The following PCDHGB2 variants were observed in gnomAD, a reference collection of about 807,000 sequenced individuals.
PCDHGB2 encodes the protein protocadherin gamma subfamily B, 2.
PCDHGB2 carries 55 observed loss-of-function variants against 59.3 expected under a neutral mutation model. That is an observed-to-expected ratio of 0.93 (90% CI 0.75 to 1.16). PCDHGB2 has a LOEUF of 1.16. Among genes scored for constraint, PCDHGB2 ranks in the 50% most tolerant of loss-of-function variants. PCDHGB2 has a pLI of 0.00. For synonymous variants in PCDHGB2, 516 were observed against 512.0 expected (o/e 1.01, Z -0.11); for missense variants, 1,228 against 1,198.5 (o/e 1.02, Z -0.36).
At chr5:141,423,362 T>G (rs1419859253) in intron 1 of PCDHGB2, 1 of 1,614,112 alleles carries the variant, frequency 6.2e-7, no homozygotes, top group African/African-American at 1.3e-5. Flanking sequence ...GTCATCGTGC[T>G]GCTGGCACTC....
In PCDHGB2 at chr5:141,493,664, G is replaced by A. The variant is rs2099749444; in HGVS notation, c.2422-1143G>A. Reference sequence around the variant, plus strand: ...TGGCCATCCCTGTGCCCTTCTCCATGGCAGCCCCAGAATGGTGCTGGTGAC... The same window carrying A: ...TGGCCATCCCTGTGCCCTTCTCCATAGCAGCCCCAGAATGGTGCTGGTGAC... On this transcript the variant is annotated intron_variant, in intron 1 of 3. Coordinates refer to ENST00000522605, the MANE Select transcript of PCDHGB2 (RefSeq NM_018923.3). This position sits in a 1 kb window ranked among gnomAD's most constrained non-coding sequence, Gnocchi z 4.3. Among the ~76,000 whole-genome samples, 1 of 152,136 alleles carries A rather than the reference G, an allele frequency of 6.6e-6. No homozygotes were observed. Among genetic ancestry groups the A allele is most frequent in the Non-Finnish European group, 1.5e-5 (1 of 68,026 alleles).
chr5:141,404,658 C>T, intron 1 of PCDHGB2: 2 of 1,614,198 alleles, frequency 1.2e-6, no homozygotes, highest in Non-Finnish European at 1.7e-6. Context: ...GCCCTCCCCA[C>T]TGATGGTTCT....
In PCDHGB2 at chr5:141,485,569, T is replaced by C; in HGVS notation, c.2422-9238T>C. The C allele has an allele frequency of 6.2e-7, 1 of 1,612,664 alleles. No individual in the cohort carries two copies. Among genetic ancestry groups the C allele is most frequent in the Non-Finnish European group, 8.5e-7 (1 of 1,178,890 alleles). ...TAGATGTGAATGATCACGCCCCCCG[T>C]TTTCCGCGGCAGCAGCTGGACTTGG... On this transcript the variant is annotated intron_variant, in intron 1 of 3. Coordinates refer to ENST00000522605, the MANE Select transcript of PCDHGB2 (RefSeq NM_018923.3). This position sits in a 1 kb window ranked among gnomAD's most constrained non-coding sequence, Gnocchi z 5.7.
intron 1 of PCDHGB2, chr5:141,393,238 T>A: frequency 1.2e-6 from 2 of 1,613,734 alleles, no homozygotes; most frequent in Non-Finnish European, 8.5e-7. Context: ...GAAGTAAAAA[T>A]TAACGAAATC....
intron 1 of PCDHGB2, chr5:141,415,542 T>C (rs770960227): frequency 1.2e-5 from 19 of 1,614,056 alleles, no homozygotes; most frequent in Non-Finnish European, 9.3e-6. Context: ...AGGAGAGCTG[T>C]GAGAAAAACG....
intron 1 of PCDHGB2, among the ~76,000 whole-genome samples, chr5:141,381,686 AAAC>A (rs1269227136): frequency 2.6e-5 from 4 of 152,308 alleles, no homozygotes; most frequent in Non-Finnish European, 4.4e-5. Context: ...CAGCCAAGAC[AAAC>A]AACGATTTCT....
chr5:141,366,579 T>C (rs1764662445), intron 1 of PCDHGB2: 1 of 1,614,256 alleles, frequency 6.2e-7, no homozygotes, highest in South Asian at 1.1e-5. Flanking sequence ...CGGGCTTTCC[T>C]GCAGACCTAT....
chr5:141,474,597 T>C (rs1454833258), intron 1 of PCDHGB2, among the ~76,000 whole-genome samples: 2 of 152,248 alleles, frequency 1.3e-5, no homozygotes, highest in Non-Finnish European at 2.9e-5. Flanking sequence ...CATGGAAATA[T>C]AGGTCACATA....
chr5:141,457,649 A>C (rs1303184316), intron 1 of PCDHGB2, among the ~76,000 whole-genome samples: 1 of 152,282 alleles, frequency 6.6e-6, no homozygotes, highest in Non-Finnish European at 1.5e-5. Context: ...TATTTGCATG[A>C]AGTGCAGCAA....
chr5:141,368,520 A>G (rs886509819), intron 1 of PCDHGB2, among the ~76,000 whole-genome samples: 7 of 152,168 alleles, frequency 4.6e-5, no homozygotes, highest in Admixed American at 6.5e-5. Flanking sequence ...ATTCACTCCT[A>G]TGTGAAAACT....
At chr5:141,500,546 G>A (rs1428503967) in intron 2 of PCDHGB2, among the ~76,000 whole-genome samples, 1 of 152,126 alleles carries the variant, frequency 6.6e-6, no homozygotes, top group African/African-American at 2.4e-5. Context: ...ACCTAAATAA[G>A]TTGTTCACAA....
chr5:141,447,851 C>T (rs961725006), intron 1 of PCDHGB2, among the ~76,000 whole-genome samples: 1 of 151,980 alleles, frequency 6.6e-6, no homozygotes, highest in East Asian at 1.9e-4. Flanking sequence ...TTTGGGAGGC[C>T]GAGGTGGGTG....
intron 1 of PCDHGB2, chr5:141,402,922 C>A: frequency 1.3e-6 from 2 of 1,576,446 alleles, no homozygotes; most frequent in Non-Finnish European, 8.6e-7. Flanking sequence ...GCACAGAGAT[C>A]CTTTTGAGAA....
rs568927137 is a variant in PCDHGB2, at chr5:141,410,186, CT to C, written c.2421+47631del. On this transcript the variant is annotated intron_variant, in intron 1 of 3. Coordinates refer to ENST00000522605, the MANE Select transcript of PCDHGB2 (RefSeq NM_018923.3). ...ACTCTCTGCCACCGCCACGCTTCAT[CT>C]GGTCTTCGCAGACAACTTGCAAGAG... 1.6e-5 allele frequency: 26 copies of C among 1,613,940 alleles called. 1 individual carries two copies. In the South Asian group the frequency reaches 2.6e-4, roughly 16 times the overall value.
At chr5:141,372,344 A>G in intron 1 of PCDHGB2, 1 of 1,613,770 alleles carries the variant, frequency 6.2e-7, no homozygotes, top group Non-Finnish European at 8.5e-7. Flanking sequence ...GTGATGGAGG[A>G]CAGCAGCCTC....
chr5:141,408,869 A>T, intron 1 of PCDHGB2: 1 of 1,613,690 alleles, frequency 6.2e-7, no homozygotes, highest in Non-Finnish European at 8.5e-7. Flanking sequence ...CCCACCAAGA[A>T]GTGCCACCGC....
chr5:141,374,723 G>T (rs771753373), intron 1 of PCDHGB2: 1 of 1,609,998 alleles, frequency 6.2e-7, no homozygotes, highest in South Asian at 1.1e-5. Context: ...GGTCCTTACT[G>T]CCATGGATGG....
In PCDHGB2 at chr5:141,491,341, G is replaced by C. The variant is rs775712620; in HGVS notation, c.2422-3466G>C. ...TTACCTCATTGTGGCTCTAGCGACC[G>C]TCAGTCTCTTATCCCTAGTCACCTT... On this transcript the variant is annotated intron_variant, in intron 1 of 3. Transcript: ENST00000522605. This position sits in a 1 kb window ranked among gnomAD's most constrained non-coding sequence, Gnocchi z 6.9. 10 of 1,614,100 alleles carry C rather than the reference G, an allele frequency of 6.2e-6. No homozygotes were observed. In the East Asian group the frequency reaches 8.9e-5, roughly 14 times the overall value.
At position 141,361,246 on chromosome 5, in the gene PCDHGB2, A is replaced by G; in HGVS notation, c.1111A>G (p.Thr371Ala). The change falls in exon 1 of 4, where the codon ACG becomes GCG. Residue 371 changes from threonine (T) to alanine (A), a missense_variant. Transcript: ENST00000522605. ...AGGAACAGTGATCGCCTTGATAAAA[A>G]CGAGAGACAGAGACTCTGGAGAAAA... ...PPGTVIALIK[T>A]RDRDSGENGE... is the part of the protein sequence containing the mutation. The G allele has an allele frequency of 1.2e-6, 2 of 1,613,980 alleles. No individual in the cohort carries two copies. Among genetic ancestry groups the G allele is most frequent in the Non-Finnish European group, 1.7e-6 (2 of 1,179,868 alleles).
Sources: gnomAD v4.1 joint callset for allele counts (sites outside exome capture counted in the v4.1 genomes callset) on GRCh38, gnomAD v4.1.1 for gene constraint, Gnocchi (gnomAD v3.1) non-coding constraint, MANE v1.5 for transcripts, NCBI Gene and HGNC (gene_info 2026-07-23, HGNC 2026-07-21) for gene names.